PAFAH1B2: variants seen among roughly 807,000 people sequenced by gnomAD.
PAFAH1B2 encodes platelet-activating factor acetylhydrolase IB subunit alpha2.
PAFAH1B2 carries 8 observed loss-of-function variants against 28.0 expected under a neutral mutation model. The ratio of observed to expected loss-of-function variants is 0.29; its 90% CI spans 0.17 to 0.52. The LOEUF (loss-of-function observed/expected upper bound fraction) is 0.52. Ranked by LOEUF, PAFAH1B2 falls within the 20% of genes least tolerant of loss-of-function variation. The pLI, the probability that PAFAH1B2 is intolerant of heterozygous loss-of-function variation, is 0.97. For missense variants in PAFAH1B2, 190 were observed against 282.6 expected (o/e 0.67, Z 2.35); for synonymous variants, 104 against 103.2 (o/e 1.01, Z -0.05).
chr11:117,171,141 T>A (rs1352731133), downstream of PAFAH1B2: 1 of 817,830 alleles, frequency 1.2e-6, no homozygotes, highest in Non-Finnish European at 1.5e-6. Context: ...AATTGGATAC[T>A]TAGATGATCC....
chr11:117,158,775 G>T (rs1956308921), intron 2 of PAFAH1B2, among the ~76,000 whole-genome samples: 1 of 151,402 alleles, frequency 6.6e-6, no homozygotes, highest in Admixed American at 6.6e-5. Context: ...CTCCTGAGTA[G>T]CTGGGACTAC....
At chr11:117,162,178 A>G (rs1185715168) in intron 4 of PAFAH1B2, among the ~76,000 whole-genome samples, 2 of 152,124 alleles carry the variant, frequency 1.3e-5, no homozygotes, top group African/African-American at 2.4e-5. Flanking sequence ...CTGTTGCCCA[A>G]ACTAGAATGC....
chr11:117,148,910 C>G (rs1314931119), intron 1 of PAFAH1B2, among the ~76,000 whole-genome samples: 2 of 152,086 alleles, frequency 1.3e-5, no homozygotes, highest in South Asian at 2.1e-4. Context: ...CACTGTCACT[C>G]AGGCGGGAGT....
chr11:117,168,711 C>A lies in PAFAH1B2; in HGVS notation c.*1012C>A. ...TGGGGGGATTCAGAACTCTTGTTTC[C>A]CATTCCATAGCACCTGACATTATTT... On this transcript the variant is annotated 3_prime_UTR_variant, in exon 6 of 6. Transcript: ENST00000527958. The A allele has an allele frequency of 9.5e-7, 1 of 1,057,886 alleles. No individual in the cohort carries two copies. The highest frequency in any genetic ancestry group is 1.1e-6 in the Non-Finnish European group (1 of 873,734). 65.5% of individuals were successfully genotyped at this position (1,057,886 alleles called of 1,614,324 possible). A position where few individuals can be genotyped will look rare whatever the true frequency, so the allele number is the denominator to read the frequency against.
At chr11:117,174,671 T>C (rs907939553), downstream of PAFAH1B2, among the ~76,000 whole-genome samples, 1 of 151,944 alleles carries the variant, frequency 6.6e-6, no homozygotes, top group African/African-American at 2.4e-5. Context: ...AGAGACAGGG[T>C]TTCTCCATGT....
chr11:117,172,712 T>C (rs1956700560), downstream of PAFAH1B2, among the ~76,000 whole-genome samples: 1 of 152,122 alleles, frequency 6.6e-6, no homozygotes. Context: ...CCTACTCTAT[T>C]TTTATTTTTT....
At chr11:117,175,433 A>G, downstream of PAFAH1B2, 8 of 1,041,694 alleles carry the variant, frequency 7.7e-6, no homozygotes, top group Non-Finnish European at 9.3e-6. Context: ...GAACAGCAAG[A>G]AAATGTGCAG....
chr11:117,152,644 C>A, intron 2 of PAFAH1B2, 116 bp downstream of exon 2: 1 of 734,558 alleles, frequency 1.4e-6, no homozygotes, highest in Non-Finnish European at 2.4e-6. Flanking sequence ...TCTCAAACTG[C>A]AGGGCTCAAG....
intron 4 of PAFAH1B2, among the ~76,000 whole-genome samples, chr11:117,161,866 G>A (rs1956379274): frequency 6.6e-6 from 1 of 151,848 alleles, no homozygotes; most frequent in East Asian, 1.9e-4. Context: ...ATAGATCTCG[G>A]GCAGTATGAG....
chr11:117,165,349 C>CAA (rs35084965), intron 5 of PAFAH1B2, among the ~76,000 whole-genome samples: 1 of 135,508 alleles, frequency 7.4e-6, no homozygotes, highest in Non-Finnish European at 1.6e-5. Flanking sequence ...AACTCGGTCT[C>CAA]AAAAAAAAAA....
At chr11:117,165,498 G>C (rs1250349666) in intron 5 of PAFAH1B2, among the ~76,000 whole-genome samples, 1 of 152,194 alleles carries the variant, frequency 6.6e-6, no homozygotes, top group African/African-American at 2.4e-5. Flanking sequence ...CTGTGTACAA[G>C]GCACTATCCT....
At chr11:117,148,510 A>G (rs1027378544) in intron 1 of PAFAH1B2, among the ~76,000 whole-genome samples, 2 of 152,186 alleles carry the variant, frequency 1.3e-5, no homozygotes, top group East Asian at 1.9e-4. Flanking sequence ...CATCATGTTT[A>G]TTTAAATAAC....
chr11:117,158,934 C>T (rs1042055201), intron 2 of PAFAH1B2, among the ~76,000 whole-genome samples: 6 of 152,084 alleles, frequency 3.9e-5, no homozygotes, highest in African/African-American at 1.2e-4. Flanking sequence ...CGTGAGCCAC[C>T]GCACCATTTG....
intron 2 of PAFAH1B2, among the ~76,000 whole-genome samples, chr11:117,154,214 G>C (rs983342128): frequency 6.6e-6 from 1 of 152,080 alleles, no homozygotes; most frequent in Non-Finnish European, 1.5e-5. Context: ...TAGGCCAGGA[G>C]TAGTGACTCA....
chr11:117,156,203 G>A lies in PAFAH1B2; in HGVS notation c.81+3675G>A, dbSNP rs114328524. ...CCCTGTCTCTAGAAAAGAATATATG[G>A]CCATTAAAAGTTATGATTATAAAAA... is the stretch of plus-strand genomic sequence containing the variant. On this transcript the variant is annotated intron_variant, in intron 2 of 5. Coordinates refer to ENST00000527958, the MANE Select transcript of PAFAH1B2 (RefSeq NM_002572.4). Among the ~76,000 whole-genome samples the A allele has an allele frequency of 2.7e-3, 415 of 152,150 alleles. 1 individual carries two copies. Among genetic ancestry groups the A allele is most frequent in the African/African-American group, 9.5e-3 (394 of 41,512 alleles).
chr11:117,172,842 T>TA (rs1369854774), downstream of PAFAH1B2, among the ~76,000 whole-genome samples: 2 of 152,198 alleles, frequency 1.3e-5, no homozygotes, highest in African/African-American at 2.4e-5. Context: ...TAGCTGGAAT[T>TA]ACAGGCGTGT....
downstream of PAFAH1B2, among the ~76,000 whole-genome samples, chr11:117,172,287 A>G (rs1005656317): frequency 6.6e-6 from 1 of 150,756 alleles, no homozygotes; most frequent in Admixed American, 6.7e-5. Flanking sequence ...TGCTAAACAT[A>G]TAATATTTGT....
chr11:117,165,344 G>A (rs1172903090), intron 5 of PAFAH1B2, among the ~76,000 whole-genome samples: 2 of 82,474 alleles, frequency 2.4e-5, no homozygotes, highest in Non-Finnish European at 5.0e-5. Context: ...AGCAAAACTC[G>A]GTCTCAAAAA....
rs1349749976 is a variant in PAFAH1B2 at position 117,169,767 on chromosome 11, T to C, written c.*2068T>C. On this transcript the variant is annotated 3_prime_UTR_variant, in exon 6 of 6. Coordinates refer to ENST00000527958, the MANE Select transcript of PAFAH1B2 (RefSeq NM_002572.4). Reference sequence around the variant, plus strand: ...TTTTTTCTTAGCTGAGGTATAGTTGTATAGCAAGAAGAATTAAGCCAGATT... The same window carrying C: ...TTTTTTCTTAGCTGAGGTATAGTTGCATAGCAAGAAGAATTAAGCCAGATT... 1 of 1,057,278 alleles carries C rather than the reference T, an allele frequency of 9.5e-7. No individual in the cohort carries two copies. The highest frequency in any genetic ancestry group is 1.6e-5 in the African/African-American group (1 of 60,632). The allele number at this position is 1,057,278 out of a possible 1,614,324, so 65.5% of individuals were successfully genotyped here. A position where few individuals can be genotyped will look rare whatever the true frequency, so the allele number is the denominator to read the frequency against.
Sources: gnomAD v4.1 joint callset for allele counts (sites outside exome capture counted in the v4.1 genomes callset) on GRCh38, gnomAD v4.1.1 for gene constraint, MANE v1.5 for transcripts, NCBI Gene and HGNC (gene_info 2026-07-23, HGNC 2026-07-21) for gene names.